Variants in SLC5A2 observed in about 807,000 individuals in gnomAD.
The protein encoded by SLC5A2 is sodium/glucose cotransporter 2.
Under a neutral mutation model 69.0 loss-of-function variants are expected in SLC5A2, and 67 were observed. The observed-to-expected ratio is 0.97, with a 90% CI of 0.80 to 1.19. The LOEUF (loss-of-function observed/expected upper bound fraction) is 1.19. Ranked by LOEUF, SLC5A2 falls within the 50% of genes most tolerant of loss-of-function variation. The pLI is 0.00. For synonymous variants in SLC5A2, 455 were observed against 395.8 expected, an observed-to-expected ratio of 1.15 and a Z score of -1.78; for missense variants, 1,001 against 921.5, an observed-to-expected ratio of 1.09 and a Z score of -1.12.
At chr16:31,484,951 C>T in intron 3 of SLC5A2, 28 bp downstream of exon 3, 1 of 1,590,776 alleles carries the variant, frequency 6.3e-7, no homozygotes, top group East Asian at 2.2e-5. Flanking sequence ...CCAATAACCC[C>T]ACCCTCAGTG....
intron 3 of SLC5A2, 79 bp from the exon 4 acceptor site, chr16:31,485,650 G>A: frequency 1.3e-6 from 2 of 1,575,800 alleles, no homozygotes; most frequent in African/African-American, 1.3e-5. Context: ...CACTTGCTTG[G>A]AGTAGCACCT....
At position 31,488,445 on chromosome 16, in the gene SLC5A2, T is replaced by C; in HGVS notation, c.1084T>C (p.Ser362Pro). The change falls in exon 9 of 14, where the codon TCC (serine) becomes CCC (proline). Residue 362 changes from serine (S) to proline (P), a missense_variant. By Grantham distance (74) the Ser-to-Pro change is moderately conservative (BLOSUM62 -1). Transcript: ENST00000330498. ...RRVCGTEVGC[S>P]NIAYPRLVVK... is the part of the protein sequence containing the mutation. The stretch of plus-strand genomic sequence containing the variant: ...CGTGTGCGGCACGGAGGTGGGCTGC[T>C]CCAACATCGCCTACCCGCGGCTCGT... The C allele has an allele frequency of 6.2e-7, 1 of 1,611,386 alleles. No homozygotes were observed. Among genetic ancestry groups the C allele is most frequent in the Non-Finnish European group, 8.5e-7 (1 of 1,179,610 alleles).
chr16:31,488,612 C>A lies in SLC5A2; in HGVS notation c.1130-10C>A. ...GTGGCCCCAGCCTCACGGCTGCCGT[C>A]GGCCCGCAGGTCTGCGCGGACTCAT... On this transcript the variant is annotated splice_polypyrimidine_tract_variant and intron_variant, in intron 9 of 13. Transcript: ENST00000330498. The A allele has an allele frequency of 1.2e-6, 2 of 1,609,546 alleles. No homozygotes were observed. Among genetic ancestry groups the A allele is most frequent in the Non-Finnish European group, 1.7e-6 (2 of 1,178,784 alleles).
rs1333576448 is a variant in SLC5A2, at chr16:31,488,438, G to C, written c.1077G>C (p.Val359=). ...EVCRRVCGTE[V]GCSNIAYPRL... ...GCAGGCGCGTGTGCGGCACGGAGGTGGGCTGCTCCAACATCGCCTACCCGC... is the reference window on the plus strand; with the variant it reads ...GCAGGCGCGTGTGCGGCACGGAGGTCGGCTGCTCCAACATCGCCTACCCGC... Residue 359 remains valine (V), a synonymous_variant, in exon 9 of 14, where the codon GTG becomes GTC. Transcript: ENST00000330498. 6.2e-7 allele frequency: 1 copy of C among 1,611,636 alleles called. No individual in the cohort carries two copies. Among genetic ancestry groups the C allele is most frequent in the Admixed American group, 1.7e-5 (1 of 59,900 alleles).
chr16:31,486,415 T>C (rs1309065925), intron 5 of SLC5A2, 140 bp downstream of exon 5: 1 of 697,690 alleles, frequency 1.4e-6, no homozygotes, highest in Non-Finnish European at 2.6e-6. Context: ...AGGAACTAAA[T>C]CTTTGGAGAG....
Position 31,489,028 on chromosome 16 carries a change from G to C in SLC5A2, c.1429G>C (p.Val477Leu), listed in dbSNP as rs146630093. The C allele has an allele frequency of 1.8e-4, 290 of 1,600,704 alleles. No individual in the cohort carries two copies. The highest frequency in any genetic ancestry group is 2.3e-4 in the Non-Finnish European group (269 of 1,179,854). ...VSAVFVLALFVPRVNEQGAFW... is the reference protein window; with the variant it reads ...VSAVFVLALFLPRVNEQGAFW... ...CGCCGTCTTCGTGCTGGCGCTCTTC[G>C]TGCCGCGCGTTAATGAGCAGGTGAG... Residue 477 changes from valine (V) to leucine (L), a missense_variant, in exon 11 of 14, where the codon GTG becomes CTG. Val to Leu is a conservative substitution (Grantham distance 32). Coordinates refer to ENST00000330498, the MANE Select transcript of SLC5A2 (RefSeq NM_003041.4).
intron 12 of SLC5A2, 198 bp from the exon 13 acceptor site, chr16:31,489,906 G>A: frequency 1.5e-6 from 1 of 679,470 alleles, no homozygotes; most frequent in Non-Finnish European, 2.6e-6. Flanking sequence ...TTAAACACAA[G>A]CTCAGGGGCT....
rs149704875 is a variant in SLC5A2 at position 31,483,275 on chromosome 16, G to A, written c.126+13G>A. On this transcript the variant is annotated intron_variant, in intron 1 of 13. Coordinates refer to ENST00000330498, the MANE Select transcript of SLC5A2 (RefSeq NM_003041.4). ...CGTTGGCTTGTGGGTGAGAAGTTGG[G>A]GGGTGTGCTGCTGGTGGCTGCTGGC... 5.1e-5 allele frequency: 82 copies of A among 1,613,914 alleles called. 1 individual carries two copies. In the African/African-American group the frequency reaches 1.0e-3, roughly 20 times the overall value.
Position 31,488,771 on chromosome 16 carries a change from C to G in SLC5A2, c.1279C>G (p.Arg427Gly). ...AGDRELLLVGRLWVVFIVVVS... is the reference protein window; with the variant it reads ...AGDRELLLVGGLWVVFIVVVS... ...CGACCGCGAGCTGCTGCTGGTGGGACGGTGCGGCCTGGGCTCCCCTCCTCC... is the reference window on the plus strand; with the variant it reads ...CGACCGCGAGCTGCTGCTGGTGGGAGGGTGCGGCCTGGGCTCCCCTCCTCC... The change falls in exon 10 of 14, where the codon CGG becomes GGG. Residue 427 changes from arginine to glycine, a missense_variant and splice_region_variant. Transcript: ENST00000330498. The G allele has an allele frequency of 6.2e-7, 1 of 1,601,454 alleles. No individual in the cohort carries two copies. Among genetic ancestry groups the G allele is most frequent in the Non-Finnish European group, 8.5e-7 (1 of 1,177,376 alleles).
At chr16:31,489,917 T>C (rs1043649078) in intron 12 of SLC5A2, 187 bp from the exon 13 acceptor site, 1 of 728,300 alleles carries the variant, frequency 1.4e-6, no homozygotes, top group Non-Finnish European at 2.4e-6. Context: ...CTCAGGGGCT[T>C]GGGGTTTATC....
chr16:31,487,191 C>G (rs1246387597), intron 5 of SLC5A2, 129 bp from the exon 6 acceptor site: 1 of 929,520 alleles, frequency 1.1e-6, no homozygotes, highest in Non-Finnish European at 1.7e-6. Flanking sequence ...GCCCCGAGAA[C>G]AGGCTATCGT....
In SLC5A2 at chr16:31,489,268, T is replaced by A. The variant is rs1204952924; in HGVS notation, c.1595T>A (p.Val532Glu). 1 of 1,611,068 alleles carries A rather than the reference T, an allele frequency of 6.2e-7. No homozygotes were observed. The highest frequency in any genetic ancestry group is 8.5e-7 in the Non-Finnish European group (1 of 1,180,026). ...GTGCACTACCTCTACTTCGCCATTG[T>A]GCTGTTCTTCTGCTCTGGCCTCCTC... Reference protein sequence around the residue: ...CGVHYLYFAIVLFFCSGLLTL... With the variant: ...CGVHYLYFAIELFFCSGLLTL... The change falls in exon 12 of 14, where the codon GTG (valine) becomes GAG (glutamate). Residue 532 changes from valine to glutamate, a missense_variant. Transcript: ENST00000330498.
intron 3 of SLC5A2, 157 bp from the exon 4 acceptor site, chr16:31,485,572 G>C: frequency 2.5e-6 from 2 of 805,790 alleles, no homozygotes; most frequent in South Asian, 3.3e-5. Flanking sequence ...CTGTTCCTTG[G>C]TGCCCAGGGC....
chr16:31,486,009 T>G lies in SLC5A2; in HGVS notation c.468+116T>G, dbSNP rs879581735. ...GAAACCACTGCGAGGGTTATGATGATGGAGGCAGAGCCTGCAATGAATGTC... is the reference window on the plus strand; with the variant it reads ...GAAACCACTGCGAGGGTTATGATGAGGGAGGCAGAGCCTGCAATGAATGTC... On this transcript the variant is annotated intron_variant, in intron 4 of 13. Transcript: ENST00000330498. 3 of 1,291,050 alleles carry G rather than the reference T, an allele frequency of 2.3e-6. No homozygotes were observed. The Admixed American group carries it at 5.2e-5, about 22-fold the overall frequency. The allele number at this position is 1,291,050 out of a possible 1,614,324, so 80.0% of individuals were successfully genotyped here.
chr16:31,489,116 T>G lies in SLC5A2; in HGVS notation c.1450-7T>G, dbSNP rs770123284. On this transcript the variant is annotated splice_region_variant and splice_polypyrimidine_tract_variant and intron_variant, in intron 11 of 13. Coordinates refer to ENST00000330498, the MANE Select transcript of SLC5A2 (RefSeq NM_003041.4). ...ATCCTCAGCAGGCTGACCTGTTTCC[T>G]TCGCAGGGCGCCTTCTGGGGACTCA... is the stretch of plus-strand genomic sequence containing the variant. The G allele has an allele frequency of 3.7e-6, 6 of 1,606,934 alleles. No homozygotes were observed. In the East Asian group the frequency reaches 1.3e-4, roughly 36 times the overall value.
Position 31,489,213 on chromosome 16 carries a change from C to T in SLC5A2, c.1540C>T (p.Pro514Ser), listed in dbSNP as rs565909305. 59 of 1,610,226 alleles carry T rather than the reference C, an allele frequency of 3.7e-5. No individual in the cohort carries two copies. In the East Asian group the frequency reaches 1.2e-3, roughly 33 times the overall value. Residue 514 changes from proline (P) to serine (S), a missense_variant, in exon 12 of 14, where the codon CCC (proline) becomes TCC (serine). Transcript: ENST00000330498. Reference protein sequence around the residue: ...FSFGSGSCVQPSACPAFLCGV... With the variant: ...FSFGSGSCVQSSACPAFLCGV... ...CTTCGGCTCGGGCAGCTGTGTGCAG[C>T]CCTCGGCGTGCCCAGCTTTCCTCTG...
rs774846949 is a variant in SLC5A2 at position 31,489,007 on chromosome 16, GTCTTCGTGCTGGCGC to G, written c.1418_1432del (p.Leu473_Val477del). ...CTACCTGGCACCGCCCGTGTCCGCC[GTCTTCGTGCTGGCGC>G]TCTTCGTGCCGCGCGTTAATGAGCA... On this transcript the variant is annotated inframe_deletion, in exon 11 of 14. Transcript: ENST00000330498. 4.0e-5 allele frequency: 64 copies of G among 1,600,730 alleles called. No individual in the cohort carries two copies. The highest frequency in any genetic ancestry group is 1.3e-4 in the African/African-American group (10 of 75,052).
chr16:31,488,307 AGGATTCCCAGTCCCCACCTCCTG>A (rs1296918223), intron 8 of SLC5A2, 53 bp from the exon 9 acceptor site: 18 of 1,597,546 alleles, frequency 1.1e-5, no homozygotes, highest in East Asian at 8.9e-5. Context: ...CTCCTCTGCT[AGGATTCCCAGTCCCCACCTCCTG>A]GGATTCCCAG....
At position 31,489,207 on chromosome 16, in the gene SLC5A2, G is replaced by A; in HGVS notation, c.1534G>A (p.Val512Met). ...GTTCTCCTTCGGCTCGGGCAGCTGT[G>A]TGCAGCCCTCGGCGTGCCCAGCTTT... ...PEFSFGSGSC[V>M]QPSACPAFLC... The change falls in exon 12 of 14, where the codon GTG becomes ATG. Residue 512 changes from valine to methionine, a missense_variant. Val to Met is a conservative substitution (Grantham distance 21, BLOSUM62 1). Transcript: ENST00000330498. The A allele has an allele frequency of 6.2e-7, 1 of 1,610,338 alleles. No homozygotes were observed. Among genetic ancestry groups the A allele is most frequent in the South Asian group, 1.1e-5 (1 of 91,088 alleles).
Sources: allele counts gnomAD v4.1 joint callset, GRCh38; gene constraint gnomAD v4.1.1; transcripts MANE v1.5; gene names NCBI Gene and HGNC (gene_info 2026-07-23, HGNC 2026-07-21).